Variants in TELO2 observed in about 807,000 individuals in gnomAD.
The protein encoded by TELO2 is telomere length regulation protein TEL2 homolog.
TELO2 carries 71 observed loss-of-function variants against 91.0 expected under a neutral mutation model. The ratio of observed to expected loss-of-function variants is 0.78; its 90% CI spans 0.64 to 0.95. The LOEUF (loss-of-function observed/expected upper bound fraction) is 0.95, where lower values mean the gene tolerates loss of function less well. Among genes scored for constraint, TELO2 ranks in the 40% least tolerant of loss-of-function variants. The pLI is 0.00. For missense variants in TELO2, 1,183 were observed against 1,141.3 expected (o/e 1.04, Z -0.53); for synonymous variants, 584 against 518.9 (o/e 1.13, Z -1.71).
chr16:1,497,463 G>A lies in TELO2; in HGVS notation c.785G>A (p.Arg262Gln), dbSNP rs144404823. Residue 262 changes from arginine (R) to glutamine (Q), a missense_variant, in exon 5 of 21, where the codon CGG (arginine) becomes CAG (glutamine). Physicochemically the swap from Arg to Gln is conservative, Grantham distance 43 (BLOSUM62 1). Transcript: ENST00000262319. The surrounding 1 kb of genome is among the most constrained non-coding windows in gnomAD (Gnocchi z 4.0). ...CGCCTGGTGGAGCAAGTGCCGGACC[G>A]GGCCATGGAGGCTGTGCTGACCGGG... Reference protein sequence around the residue: ...CWRLVEQVPDRAMEAVLTGLV... With the variant: ...CWRLVEQVPDQAMEAVLTGLV... 5.0e-5 allele frequency: 78 copies of A among 1,573,974 alleles called. No homozygotes were observed. Among genetic ancestry groups the A allele is most frequent in the African/African-American group, 4.3e-4 (32 of 73,854 alleles).
At position 1,497,388 on chromosome 16, in the gene TELO2, G is replaced by A. The variant is rs778209728; in HGVS notation, c.710G>A (p.Arg237Gln). 1.0e-5 allele frequency: 16 copies of A among 1,549,716 alleles called. No homozygotes were observed. The highest frequency in any genetic ancestry group is 2.0e-5 in the Admixed American group (1 of 50,980). Residue 237 changes from arginine (R) to glutamine (Q), a missense_variant, in exon 5 of 21, where the codon CGG becomes CAG. Transcript: ENST00000262319. This position sits in a 1 kb window ranked among gnomAD's most constrained non-coding sequence, Gnocchi z 4.0. ...GAGATCCTGGGCGTGCTGGTACCCCGGCTGGCAGCGCTCACCCAGGGCAGC... is the reference window on the plus strand; with the variant it reads ...GAGATCCTGGGCGTGCTGGTACCCCAGCTGGCAGCGCTCACCCAGGGCAGC... ...QQEILGVLVP[R>Q]LAALTQGSYL...
chr16:1,509,779 G>A, intron 20 of TELO2, 51 bp from the exon 21 acceptor site: 1 of 1,518,788 alleles, frequency 6.6e-7, no homozygotes, highest in South Asian at 1.2e-5. Flanking sequence ...GGAGGAGGGA[G>A]AATACGCCCT....
In TELO2 at chr16:1,502,918, C is replaced by T. The variant is rs1567301972; in HGVS notation, c.1771-13C>T. 2 of 1,610,336 alleles carry T rather than the reference C, an allele frequency of 1.2e-6. No individual in the cohort carries two copies. Among genetic ancestry groups the T allele is most frequent in the South Asian group, 2.2e-5 (2 of 91,084 alleles). ...GGTCCCGGACCACAGCAGCCTCTCC[C>T]CTGTGTCCTCAGGTGGCCGACTATC... On this transcript the variant is annotated splice_polypyrimidine_tract_variant and intron_variant, in intron 14 of 20. Transcript: ENST00000262319.
At position 1,509,868 on chromosome 16, in the gene TELO2, C is replaced by T. The variant is rs762279854; in HGVS notation, c.2446C>T (p.Leu816=). ...AGACCCGGACGAGGACTGCAGGACGCTGGCACTGAGGGCCCTGCTGCTTCT... is the reference window on the plus strand; with the variant it reads ...AGACCCGGACGAGGACTGCAGGACGTTGGCACTGAGGGCCCTGCTGCTTCT... ...EKDPDEDCRT[L]ALRALLLLQR... is the part of the protein sequence containing the mutation. The change falls in exon 21 of 21, where the codon CTG becomes TTG. Residue 816 remains leucine, a synonymous_variant. Coordinates refer to ENST00000262319, the MANE Select transcript of TELO2 (RefSeq NM_016111.4). 1.9e-6 allele frequency: 3 copies of T among 1,612,568 alleles called. No individual in the cohort carries two copies. The highest frequency in any genetic ancestry group is 2.2e-5 in the East Asian group (1 of 44,850).
Position 1,507,008 on chromosome 16 carries a change from C to A in TELO2, c.2183C>A (p.Ala728Glu). The A allele has an allele frequency of 1.2e-6, 2 of 1,611,916 alleles. No homozygotes were observed. Among genetic ancestry groups the A allele is most frequent in the Non-Finnish European group, 1.7e-6 (2 of 1,179,146 alleles). ...GEDQLVLGRL[A>E]HTLGALMCLA... Reference sequence around the variant, plus strand: ...GACCAGCTGGTTCTCGGAAGGCTGGCGCACACCTTAGGGGCCCTGATGTGC... The same window carrying A: ...GACCAGCTGGTTCTCGGAAGGCTGGAGCACACCTTAGGGGCCCTGATGTGC... The change falls in exon 18 of 21, where the codon GCG (alanine) becomes GAG (glutamate). Residue 728 changes from alanine (A) to glutamate (E), a missense_variant. Coordinates refer to ENST00000262319, the MANE Select transcript of TELO2 (RefSeq NM_016111.4).
intron 11 of TELO2, 134 bp from the exon 12 acceptor site, chr16:1,501,913 T>C: frequency 6.9e-7 from 1 of 1,450,450 alleles, no homozygotes; most frequent in South Asian, 1.2e-5. Context: ...GGCCCGCAGC[T>C]CCCAGCTCCA....
intron 18 of TELO2, 118 bp downstream of exon 18, chr16:1,507,169 C>T: frequency 6.7e-7 from 1 of 1,484,918 alleles, no homozygotes; most frequent in Non-Finnish European, 9.0e-7. Context: ...GTGTGGGCCC[C>T]CGGGCAGCGG....
rs2039761138 is a variant in TELO2 at position 1,503,010 on chromosome 16, C to A, written c.1842+8C>A. On this transcript the variant is annotated splice_region_variant and intron_variant, in intron 15 of 20. Coordinates refer to ENST00000262319, the MANE Select transcript of TELO2 (RefSeq NM_016111.4). ...CGCATGGACATCCTGGATGTAAGTGCCTCCTGGGCCTCAGTCCCCCTGGTC... is the reference window on the plus strand; with the variant it reads ...CGCATGGACATCCTGGATGTAAGTGACTCCTGGGCCTCAGTCCCCCTGGTC... 1.9e-6 allele frequency: 3 copies of A among 1,609,068 alleles called. No homozygotes were observed. Among genetic ancestry groups the A allele is most frequent in the Non-Finnish European group, 2.5e-6 (3 of 1,179,930 alleles).
Position 1,505,675 on chromosome 16 carries a change from A to G in TELO2, c.2034+74A>G. On this transcript the variant is annotated intron_variant, in intron 16 of 20. Coordinates refer to ENST00000262319, the MANE Select transcript of TELO2 (RefSeq NM_016111.4). The surrounding 1 kb of genome is among the most constrained non-coding windows in gnomAD (Gnocchi z 4.3). ...GTGGGAAGGGCGGTCAGACACCTCC[A>G]GGCGCTGTCTGCAGCGAGGGGCGGC... The G allele has an allele frequency of 1.3e-6, 2 of 1,510,078 alleles. No individual in the cohort carries two copies. The highest frequency in any genetic ancestry group is 2.5e-5 in the South Asian group (2 of 80,470). 93.5% of individuals were successfully genotyped at this position (1,510,078 alleles called of 1,614,324 possible).
At position 1,505,408 on chromosome 16, in the gene TELO2, A is replaced by C. The variant is rs755898391; in HGVS notation, c.1843-2A>C. 6.2e-7 allele frequency: 1 copy of C among 1,607,854 alleles called. No individual in the cohort carries two copies. Among genetic ancestry groups the C allele is most frequent in the South Asian group, 1.1e-5 (1 of 90,976 alleles). On this transcript the variant is annotated splice_acceptor_variant, in intron 15 of 20. Coordinates refer to ENST00000262319, the MANE Select transcript of TELO2 (RefSeq NM_016111.4). LOFTEE classifies it high-confidence loss of function. This position sits in a 1 kb window ranked among gnomAD's most constrained non-coding sequence, Gnocchi z 4.3. ...GACGGCCCTGGGCCTGTCTCCCTCC[A>C]GGTGCTGACTCTGGCTGCCCAGGAG... is the stretch of plus-strand genomic sequence containing the variant.
At chr16:1,502,187 A>G (rs2039713712) in intron 12 of TELO2, 52 bp downstream of exon 12, 3 of 1,605,840 alleles carry the variant, frequency 1.9e-6, no homozygotes, top group Non-Finnish European at 2.5e-6. Context: ...GGTCCCGCTC[A>G]CAGCCTGGTT....
intron 9 of TELO2, 84 bp downstream of exon 9, chr16:1,500,783 C>A (rs2039652393): frequency 1.9e-6 from 3 of 1,547,026 alleles, no homozygotes; most frequent in Middle Eastern, 2.3e-4. Context: ...GGGTCACCGC[C>A]TCTTCCCGGG....
intron 20 of TELO2, among the ~76,000 whole-genome samples, chr16:1,509,247 CTT>C (rs901477754): frequency 1.6e-4 from 25 of 152,150 alleles, no homozygotes; most frequent in African/African-American, 5.8e-4. Flanking sequence ...GGGTGTTCTC[CTT>C]TCACAGGCAC....
chr16:1,494,726 G>C lies in TELO2; in HGVS notation c.335+110G>C. 2 of 1,200,418 alleles carry C rather than the reference G, an allele frequency of 1.7e-6. No homozygotes were observed. Among genetic ancestry groups the C allele is most frequent in the Non-Finnish European group, 2.3e-6 (2 of 879,436 alleles). The allele number at this position is 1,200,418 out of a possible 1,614,324, so 74.4% of individuals were successfully genotyped here. ...TAGTCCCTGTGAGGGGCTAGAGAGA[G>C]AGCCTGCTCCTGGCTGAACCCCTGA... On this transcript the variant is annotated intron_variant, in intron 2 of 20. Coordinates refer to ENST00000262319, the MANE Select transcript of TELO2 (RefSeq NM_016111.4). This position sits in a 1 kb window ranked among gnomAD's most constrained non-coding sequence, Gnocchi z 5.6.
chr16:1,495,376 G>A lies in TELO2; in HGVS notation c.366G>A (p.Arg122=), dbSNP rs1209127034. The A allele has an allele frequency of 1.0e-5, 16 of 1,563,746 alleles. No homozygotes were observed. The highest frequency in any genetic ancestry group is 1.3e-5 in the Non-Finnish European group (15 of 1,154,578). Reference sequence around the variant, plus strand: ...GCTTCCGGCTGATGAAGATGGCGCGGCTGCTGGCCAGATTCCTGCGCGAGG... The same window carrying A: ...GCTTCCGGCTGATGAAGATGGCGCGACTGCTGGCCAGATTCCTGCGCGAGG... The part of the protein sequence containing the change: ...GPSFRLMKMA[R]LLARFLREGR... The change falls in exon 3 of 21, where the codon CGG becomes CGA. Residue 122 remains arginine, a synonymous_variant. Transcript: ENST00000262319.
At position 1,500,494 on chromosome 16, in the gene TELO2, C is replaced by T. The variant is rs372799862; in HGVS notation, c.1144+6C>T. On this transcript the variant is annotated splice_donor_region_variant and intron_variant, in intron 8 of 20. Coordinates refer to ENST00000262319, the MANE Select transcript of TELO2 (RefSeq NM_016111.4). ...ACTGCGGGACAGCCGGGATGGTGAG[C>T]GGGTGGTTTGGGCTCCCCCCGGCCT... The T allele has an allele frequency of 2.4e-5, 38 of 1,610,052 alleles. 1 individual carries two copies. The Middle Eastern group carries it at 6.6e-4, about 28-fold the overall frequency.
chr16:1,501,068 C>T (rs1042930662), intron 9 of TELO2, among the ~76,000 whole-genome samples: 28 of 152,234 alleles, frequency 1.8e-4, no homozygotes, highest in African/African-American at 4.1e-4. Context: ...TCTCTGCTGC[C>T]GGCTGCCTGG....
intron 20 of TELO2, among the ~76,000 whole-genome samples, chr16:1,508,228 G>A (rs1012025242): frequency 2.6e-5 from 4 of 152,208 alleles, no homozygotes; most frequent in Non-Finnish European, 4.4e-5. Context: ...CGCCTCCTGG[G>A]TTCAAGCAAT....
chr16:1,501,349 T>A (rs1596259870), intron 9 of TELO2, 71 bp from the exon 10 acceptor site: 2 of 1,515,350 alleles, frequency 1.3e-6, no homozygotes, highest in East Asian at 4.8e-5. Flanking sequence ...GGGGAGTGGC[T>A]CCCGTGGCTC....
Sources: allele counts gnomAD v4.1 joint callset (sites outside exome capture counted in the v4.1 genomes callset), GRCh38; gene constraint gnomAD v4.1.1; non-coding constraint Gnocchi (gnomAD v3.1); transcripts MANE v1.5; gene names NCBI Gene and HGNC (gene_info 2026-07-23, HGNC 2026-07-21).